Variants in GRM8 observed in about 807,000 individuals in gnomAD.
GRM8 encodes the protein glutamate metabotropic receptor 8, also known as metabotropic glutamate receptor 8.
GRM8 carries 47 observed loss-of-function variants against 87.2 expected under a neutral mutation model. That is an observed-to-expected ratio of 0.54 (90% CI 0.43 to 0.69). The LOEUF is 0.69. GRM8 is among the 30% of genes least tolerant of loss of function. The probability of loss-of-function intolerance (pLI) is 0.00; values close to 1 mark genes in which losing one functional copy is unlikely to be tolerated. For missense variants in GRM8, 1,019 were observed against 1,139.2 expected (o/e 0.89, Z 1.52); for synonymous variants, 396 against 404.5 (o/e 0.98, Z 0.25).
chr7:126,920,016 T>A (rs1175669878), intron 3 of GRM8, among the ~76,000 whole-genome samples: 2 of 152,176 alleles, frequency 1.3e-5, no homozygotes, highest in Non-Finnish European at 2.9e-5. Context: ...CCTGCCCCTC[T>A]GATGTGATAG....
intron 7 of GRM8, among the ~76,000 whole-genome samples, chr7:126,760,275 G>A (rs1210552002): frequency 1.3e-5 from 2 of 152,158 alleles, no homozygotes; most frequent in Non-Finnish European, 2.9e-5. Context: ...ATGAAGTTGA[G>A]TAGGACTCTA....
At chr7:126,715,946 A>G (rs1034358594) in intron 7 of GRM8, among the ~76,000 whole-genome samples, 8 of 152,142 alleles carry the variant, frequency 5.3e-5, no homozygotes, top group African/African-American at 1.9e-4. Context: ...TTAACTGAGC[A>G]TGTATTTTCA....
intron 9 of GRM8, among the ~76,000 whole-genome samples, chr7:126,523,967 G>C (rs750186935): frequency 6.6e-6 from 1 of 151,932 alleles, no homozygotes; most frequent in African/African-American, 2.4e-5. Flanking sequence ...TTCTAACAAC[G>C]TAATATCAAT....
At chr7:126,701,587 G>T (rs1002684110) in intron 7 of GRM8, among the ~76,000 whole-genome samples, 4 of 152,100 alleles carry the variant, frequency 2.6e-5, no homozygotes, top group African/African-American at 9.7e-5. Flanking sequence ...TACTTAAAAT[G>T]ACATTGGAAA....
intron 7 of GRM8, among the ~76,000 whole-genome samples, chr7:126,681,373 CCT>C (rs1475127625): frequency 3.9e-5 from 6 of 152,178 alleles, no homozygotes; most frequent in African/African-American, 1.2e-4. Context: ...TCCACAATCC[CCT>C]GAGAGCTGCC....
intron 3 of GRM8, among the ~76,000 whole-genome samples, chr7:127,046,051 TCA>T (rs997920650): frequency 3.3e-5 from 5 of 152,232 alleles, no homozygotes; most frequent in Non-Finnish European, 4.4e-5. Context: ...TCTAATCATT[TCA>T]GACTTTTCTC....
intron 3 of GRM8, among the ~76,000 whole-genome samples, chr7:127,043,974 A>C (rs1179652803): frequency 1.3e-5 from 2 of 152,138 alleles, no homozygotes; most frequent in African/African-American, 4.8e-5. Context: ...TACCCTTTTC[A>C]CACAAGTTAC....
At chr7:126,935,424 C>A (rs1240656551) in intron 3 of GRM8, among the ~76,000 whole-genome samples, 1 of 152,144 alleles carries the variant, frequency 6.6e-6, no homozygotes, top group Non-Finnish European at 1.5e-5. Flanking sequence ...CTGCAAAATG[C>A]AAACTTACTA....
chr7:126,615,435 G>C (rs1003298428), intron 7 of GRM8, among the ~76,000 whole-genome samples: 3 of 152,194 alleles, frequency 2.0e-5, no homozygotes, highest in African/African-American at 7.2e-5. Context: ...AAATTGTAAA[G>C]ACCATCAAGG....
intron 3 of GRM8, among the ~76,000 whole-genome samples, chr7:127,033,963 A>G (rs1470042134): frequency 6.6e-6 from 1 of 152,206 alleles, no homozygotes; most frequent in Non-Finnish European, 1.5e-5. Flanking sequence ...GGGAAGATTC[A>G]TTGTCATTCT....
chr7:126,692,305 G>T (rs924312778), intron 7 of GRM8, among the ~76,000 whole-genome samples: 17 of 151,960 alleles, frequency 1.1e-4, no homozygotes, highest in Non-Finnish European at 1.9e-4. Context: ...TACTATAATT[G>T]GGTCAAACTC....
intron 3 of GRM8, among the ~76,000 whole-genome samples, chr7:126,991,351 C>G (rs1016155362): frequency 6.6e-6 from 1 of 152,184 alleles, no homozygotes; most frequent in Non-Finnish European, 1.5e-5. Flanking sequence ...ACAAGATCAT[C>G]ACTCCAATTG....
chr7:127,107,707 G>T (rs911422775), intron 2 of GRM8, among the ~76,000 whole-genome samples: 1 of 152,152 alleles, frequency 6.6e-6, no homozygotes, highest in Non-Finnish European at 1.5e-5. Context: ...CACACTCTGG[G>T]ATCCAATAGT....
intron 8 of GRM8, among the ~76,000 whole-genome samples, chr7:126,589,334 G>A (rs1296945710): frequency 1.3e-5 from 2 of 152,098 alleles, no homozygotes; most frequent in African/African-American, 2.4e-5. Context: ...GGAGCCGGGT[G>A]AGGCCTGTAA....
chr7:126,784,789 T>C (rs1312445818), intron 6 of GRM8, among the ~76,000 whole-genome samples: 1 of 152,286 alleles, frequency 6.6e-6, no homozygotes, highest in Non-Finnish European at 1.5e-5. Flanking sequence ...CCCATTATTA[T>C]AGATTTAGTA....
chr7:127,093,312 GC>G (rs1824335372), intron 3 of GRM8, among the ~76,000 whole-genome samples: 1 of 151,962 alleles, frequency 6.6e-6, no homozygotes, highest in African/African-American at 2.4e-5. Context: ...CTAGAACAAG[GC>G]CCCAACACAC....
chr7:126,713,066 T>C (rs1811291296), intron 7 of GRM8, among the ~76,000 whole-genome samples: 1 of 152,092 alleles, frequency 6.6e-6, no homozygotes, highest in Non-Finnish European at 1.5e-5. Context: ...GAACCAGAAA[T>C]ACCATTTGAC....
At chr7:126,537,522 A>G (rs1220428067) in intron 8 of GRM8, among the ~76,000 whole-genome samples, 1 of 152,216 alleles carries the variant, frequency 6.6e-6, no homozygotes, top group East Asian at 1.9e-4. Context: ...CAAGCTTGTA[A>G]TCCTAGCACT....
chr7:126,987,187 A>G (rs1450049977), intron 3 of GRM8, among the ~76,000 whole-genome samples: 1 of 152,086 alleles, frequency 6.6e-6, no homozygotes, highest in Non-Finnish European at 1.5e-5. Context: ...CGTGTAAAAA[A>G]CTTTTCTTTT....
Sources: allele counts gnomAD v4.1 joint callset (sites outside exome capture counted in the v4.1 genomes callset), GRCh38; gene constraint gnomAD v4.1.1; transcripts MANE v1.5; gene names NCBI Gene and HGNC (gene_info 2026-07-23, HGNC 2026-07-21).